FBXW7: variants seen among roughly 807,000 people sequenced by gnomAD.
FBXW7 encodes F-box/WD repeat-containing protein 7.
A neutral mutation model predicts 86.3 loss-of-function variants in FBXW7; 11 were observed. The observed-to-expected ratio is 0.13, with a 90% CI of 0.08 to 0.21. FBXW7 has a LOEUF of 0.21. Ranked by LOEUF, FBXW7 falls within the 10% of genes least tolerant of loss-of-function variation. The pLI is 1.00. For missense variants in FBXW7, 488 were observed against 847.4 expected, an observed-to-expected ratio of 0.58 and a Z score of 5.27; for synonymous variants, 313 against 297.9, an observed-to-expected ratio of 1.05 and a Z score of -0.52.
chr4:152,338,646 A>C (rs1362743889), intron 6 of FBXW7, among the ~76,000 whole-genome samples: 2 of 152,032 alleles, frequency 1.3e-5, no homozygotes, highest in Non-Finnish European at 2.9e-5. Context: ...TTTAAATGAC[A>C]TCAGGGGATT....
chr4:152,515,469 A>C (rs559595026), intron 2 of FBXW7, among the ~76,000 whole-genome samples: 13 of 152,286 alleles, frequency 8.5e-5, no homozygotes, highest in Non-Finnish European at 1.2e-4. Context: ...ATGCTTTACA[A>C]ATCACCATTT....
At chr4:152,454,632 A>C (rs1409390439) in intron 2 of FBXW7, among the ~76,000 whole-genome samples, 2 of 152,144 alleles carry the variant, frequency 1.3e-5, no homozygotes, top group Non-Finnish European at 2.9e-5. Context: ...TAGGAATTCC[A>C]CACTAAATAG....
At chr4:152,522,514 G>T (rs1194702687) in intron 2 of FBXW7, among the ~76,000 whole-genome samples, 2 of 152,090 alleles carry the variant, frequency 1.3e-5, no homozygotes, top group Admixed American at 6.6e-5. Context: ...GAACTAAGCT[G>T]GGTTTCCCAA....
intron 2 of FBXW7, among the ~76,000 whole-genome samples, chr4:152,501,056 T>C (rs1009067754): frequency 1.3e-5 from 2 of 152,220 alleles, no homozygotes; most frequent in Non-Finnish European, 2.9e-5. Flanking sequence ...AAAGTCACTG[T>C]GGAAGAAGCT....
chr4:152,419,494 A>ACACACAC, intron 2 of FBXW7, among the ~76,000 whole-genome samples: 1 of 123,344 alleles, frequency 8.1e-6, no homozygotes, highest in Admixed American at 8.4e-5. Flanking sequence ...GGATAAGGTA[A>ACACACAC]ACACACACAC....
chr4:152,504,003 G>C (rs1420998521), intron 2 of FBXW7, among the ~76,000 whole-genome samples: 1 of 152,110 alleles, frequency 6.6e-6, no homozygotes, highest in Non-Finnish European at 1.5e-5. Context: ...ACTGGGTATA[G>C]TGGAATAACT....
chr4:152,395,048 A>T (rs747310452), intron 4 of FBXW7, among the ~76,000 whole-genome samples: 1 of 152,056 alleles, frequency 6.6e-6, no homozygotes, highest in Non-Finnish European at 1.5e-5. Context: ...ATGGGTGTGC[A>T]TAAGTGTGTG....
chr4:152,500,894 TTC>T (rs2149699790), intron 2 of FBXW7, among the ~76,000 whole-genome samples: 1 of 152,368 alleles, frequency 6.6e-6, no homozygotes, highest in East Asian at 1.9e-4. Context: ...ATAAGATTTC[TTC>T]TATTTGGTTT....
chr4:152,349,163 T>A (rs1731556452), intron 5 of FBXW7, among the ~76,000 whole-genome samples: 1 of 152,044 alleles, frequency 6.6e-6, no homozygotes, highest in Non-Finnish European at 1.5e-5. Flanking sequence ...TTAATTTTAG[T>A]GCATCTTATA....
intron 4 of FBXW7, among the ~76,000 whole-genome samples, chr4:152,408,649 A>C (rs370643432): frequency 1.5e-4 from 23 of 152,330 alleles, no homozygotes; most frequent in Admixed American, 2.6e-4. Context: ...CAAATGGGAC[A>C]TAGTATCAGA....
chr4:152,520,103 C>T (rs185009512), intron 2 of FBXW7, among the ~76,000 whole-genome samples: 9 of 152,328 alleles, frequency 5.9e-5, no homozygotes, highest in African/African-American at 1.9e-4. Context: ...CCCTCTCCTT[C>T]CTTGCCAATT....
intron 10 of FBXW7, 57 bp downstream of exon 10, chr4:152,329,615 C>A (rs1296102247): frequency 1.2e-6 from 1 of 810,140 alleles, no homozygotes; most frequent in South Asian, 2.1e-5. Context: ...CCAGTTGCTA[C>A]TTGCAATGAT....
chr4:152,516,221 A>T (rs1444811385), intron 2 of FBXW7, among the ~76,000 whole-genome samples: 1 of 152,248 alleles, frequency 6.6e-6, no homozygotes, highest in Non-Finnish European at 1.5e-5. Flanking sequence ...GCAGGGGTCC[A>T]CAACTGGTAC....
chr4:152,436,914 C>G (rs572288796), intron 2 of FBXW7, among the ~76,000 whole-genome samples: 25 of 152,286 alleles, frequency 1.6e-4, no homozygotes, highest in South Asian at 4.1e-4. Context: ...GACAACGAAC[C>G]TGGTCACCCA....
intron 6 of FBXW7, 90 bp downstream of exon 6, chr4:152,346,840 C>A (rs2126632911): frequency 1.3e-6 from 2 of 1,530,528 alleles, no homozygotes; most frequent in Non-Finnish European, 1.8e-6. Flanking sequence ...TACTATGTAA[C>A]AGTGTTTCCT....
rs1044525649 is a variant in FBXW7, at chr4:152,403,491, AAAG to A, written c.501+7809_501+7811del. On this transcript the variant is annotated intron_variant, in intron 4 of 13. Transcript: ENST00000281708. ...AGACTTCATCTCAAAAAAAAAAAAA[AAAG>A]AATTGTGTTTTAAAACGGTAGTCAC... Among the ~76,000 whole-genome samples the A allele has an allele frequency of 5.3e-5, 8 of 152,134 alleles. No individual in the cohort carries two copies. In the South Asian group the frequency reaches 1.7e-3, roughly 32 times the overall value.
intron 2 of FBXW7, among the ~76,000 whole-genome samples, chr4:152,439,806 C>A (rs1438663193): frequency 6.9e-6 from 1 of 145,884 alleles, no homozygotes; most frequent in Non-Finnish European, 1.5e-5. Flanking sequence ...GTGGAGCTTG[C>A]AGTGAGCCAA....
intron 2 of FBXW7, among the ~76,000 whole-genome samples, chr4:152,508,485 C>T (rs1052519303): frequency 6.6e-6 from 1 of 151,760 alleles, no homozygotes; most frequent in Non-Finnish European, 1.5e-5. Flanking sequence ...TCCAGGAGTT[C>T]GAGACTAGCC....
intron 4 of FBXW7, among the ~76,000 whole-genome samples, chr4:152,397,606 T>C (rs574385387): frequency 6.7e-6 from 1 of 150,210 alleles, no homozygotes; most frequent in Admixed American, 6.7e-5. Context: ...TGAACAGTCT[T>C]ACTGGCTGTT....
Sources: gnomAD v4.1 joint callset for allele counts (sites outside exome capture counted in the v4.1 genomes callset) on GRCh38, gnomAD v4.1.1 for gene constraint, MANE v1.5 for transcripts, NCBI Gene and HGNC (gene_info 2026-07-23, HGNC 2026-07-21) for gene names.